GNAL: variants seen among roughly 807,000 people sequenced by gnomAD.
GNAL encodes guanine nucleotide-binding protein G(olf) subunit alpha.
Under a neutral mutation model 55.1 loss-of-function variants are expected in GNAL, and 18 were observed. The observed-to-expected ratio is 0.33, with a 90% CI of 0.23 to 0.48. The LOEUF (loss-of-function observed/expected upper bound fraction) is 0.48, where lower values mean the gene tolerates loss of function less well. Among genes scored for constraint, GNAL ranks in the 20% least tolerant of loss-of-function variants. The probability of loss-of-function intolerance (pLI) is 0.99; values close to 1 mark genes in which losing one functional copy is unlikely to be tolerated. For missense variants in GNAL, 412 were observed against 614.1 expected, an observed-to-expected ratio of 0.67 and a Z score of 3.48; for synonymous variants, 253 against 237.0, an observed-to-expected ratio of 1.07 and a Z score of -0.62.
intron 5 of GNAL, among the ~76,000 whole-genome samples, chr18:11,832,890 T>A (rs2035418267): frequency 1.3e-5 from 2 of 151,934 alleles, no homozygotes; most frequent in Admixed American, 1.3e-4. Flanking sequence ...ATAAAAATTT[T>A]AAAAAATGAG....
At position 11,746,286 on chromosome 18, in the gene GNAL, A is replaced by C. The variant is rs111698987; in HGVS notation, c.377-6567A>C. 1,011 of 362,710 alleles carry C rather than the reference A, an allele frequency of 2.8e-3. 7 individuals are homozygous for C. The highest frequency in any genetic ancestry group is 0.019 in the African/African-American group (893 of 47,198). 22.5% of individuals were successfully genotyped at this position (362,710 alleles called of 1,614,324 possible). ...TTAGAGACAGAAACTTTGAAGAGCA[A>C]GCTTTGGTTCCTTTTTAACAATGAT... On this transcript the variant is annotated intron_variant, in intron 1 of 11. Transcript: ENST00000334049.
chr18:11,788,897 G>GAAAAA (rs1162398867), intron 4 of GNAL, among the ~76,000 whole-genome samples: 41 of 82,510 alleles, frequency 5.0e-4, no homozygotes, highest in African/African-American at 2.4e-3. Context: ...ACTCCGTCTC[G>GAAAAA]AAAAAAAAAA....
chr18:11,845,268 C>T (rs1396459320), intron 5 of GNAL, among the ~76,000 whole-genome samples: 2 of 151,990 alleles, frequency 1.3e-5, no homozygotes, highest in Non-Finnish European at 2.9e-5. Context: ...GGATTTGTAC[C>T]GTATTACGCC....
At chr18:11,695,802 C>T (rs1440195784) in intron 1 of GNAL, among the ~76,000 whole-genome samples, 1 of 152,158 alleles carries the variant, frequency 6.6e-6, no homozygotes, top group African/African-American at 2.4e-5. Flanking sequence ...GAAGCAATCT[C>T]TTTGGGACAT....
In GNAL at chr18:11,884,666, G is replaced by A. The variant is rs1416592209; in HGVS notation, c.*3531G>A. 3.1e-6 allele frequency: 5 copies of A among 1,588,444 alleles called. No homozygotes were observed. Among genetic ancestry groups the A allele is most frequent in the East Asian group, 4.5e-5 (2 of 44,582 alleles). On this transcript the variant is annotated 3_prime_UTR_variant, in exon 12 of 12. Transcript: ENST00000334049. ...GGGAAAGTTATGCTGAGAGCACCAG[G>A]CACACGTTGAACACCGCAGTCTTAG...
chr18:11,841,519 G>GTGC (rs2035613304), intron 5 of GNAL, among the ~76,000 whole-genome samples: 1 of 151,770 alleles, frequency 6.6e-6, no homozygotes, highest in Non-Finnish European at 1.5e-5. Flanking sequence ...GGTGACGCAT[G>GTGC]CTGTAATCCC....
chr18:11,742,394 A>T (rs1257692947), intron 1 of GNAL, among the ~76,000 whole-genome samples: 1 of 152,228 alleles, frequency 6.6e-6, no homozygotes, highest in African/African-American at 2.4e-5. Flanking sequence ...GATGCAGTGA[A>T]TCAGTTCATC....
chr18:11,752,426 G>C lies in GNAL; in HGVS notation c.377-427G>C, dbSNP rs771936882. The C allele has an allele frequency of 3.7e-6, 6 of 1,602,114 alleles. No homozygotes were observed. In the South Asian group the frequency reaches 6.7e-5, roughly 18 times the overall value. On this transcript the variant is annotated intron_variant, in intron 1 of 11. Transcript: ENST00000334049. The surrounding 1 kb of genome is among the most constrained non-coding windows in gnomAD (Gnocchi z 4.5). ...CTAACTTCCTGACGTCCATCCCAGC[G>C]GGCAGGCATGGGGTGTTTGGGCGGC...
rs2036310647 is a variant in GNAL at position 11,868,261 on chromosome 18, T to C, written c.911-282T>C. 6.6e-6 allele frequency among the ~76,000 whole-genome samples: 1 copy of C among 152,008 alleles called. No individual in the cohort carries two copies. Among genetic ancestry groups the C allele is most frequent in the South Asian group, 2.1e-4 (1 of 4,822 alleles). ...GTTGCAGTGAGCCAAGATCATGCCA[T>C]TGCACTCCAGCCTGGGAGACAAGAG... On this transcript the variant is annotated intron_variant, in intron 8 of 11. Transcript: ENST00000334049. The surrounding 1 kb of genome is among the most constrained non-coding windows in gnomAD (Gnocchi z 4.0).
At position 11,851,934 on chromosome 18, in the gene GNAL, G is replaced by C. The variant is rs374247517; in HGVS notation, c.723-10461G>C. ...AAGACACGATGAGCAGCACGACGAC[G>C]CTCACCACTCCCCAGAACCAAGTGG... On this transcript the variant is annotated intron_variant, in intron 5 of 11. Coordinates refer to ENST00000334049, the MANE Select transcript of GNAL (RefSeq NM_182978.4). The C allele has an allele frequency of 5.6e-5, 91 of 1,613,930 alleles. No individual in the cohort carries two copies. The African/African-American group carries it at 1.0e-3, about 18-fold the overall frequency.
intron 4 of GNAL, among the ~76,000 whole-genome samples, chr18:11,768,986 T>C (rs1396918422): frequency 1.1e-5 from 1 of 93,910 alleles, no homozygotes; most frequent in East Asian, 2.1e-4. Context: ...TATTATATAT[T>C]CTATATTATA....
chr18:11,851,447 C>G, intron 5 of GNAL: 1 of 1,465,696 alleles, frequency 6.8e-7, no homozygotes, highest in Non-Finnish European at 9.0e-7. Flanking sequence ...AGCGGACTTA[C>G]CTTACCTTCT....
chr18:11,841,422 G>T (rs929533022), intron 5 of GNAL, among the ~76,000 whole-genome samples: 2 of 152,030 alleles, frequency 1.3e-5, no homozygotes, highest in East Asian at 1.9e-4. Flanking sequence ...AAGTTGGGCA[G>T]ATCACCTGGG....
rs1362588454 is a variant in GNAL at position 11,884,623 on chromosome 18, C to CTA, written c.*3489_*3490dup. 3 of 1,613,110 alleles carry CTA rather than the reference C, an allele frequency of 1.9e-6. No homozygotes were observed. In the Admixed American group the frequency reaches 5.0e-5, roughly 27 times the overall value. On this transcript the variant is annotated 3_prime_UTR_variant, in exon 12 of 12. Coordinates refer to ENST00000334049, the MANE Select transcript of GNAL (RefSeq NM_182978.4). ...GAGGGTGTAGTCTGTGGGCGTGATG[C>CTA]TACCCTGGAAAGGAGAAGGGAAAGT...
intron 1 of GNAL, among the ~76,000 whole-genome samples, chr18:11,728,097 T>A (rs2032252877): frequency 6.6e-6 from 1 of 152,082 alleles, no homozygotes. Flanking sequence ...TGTGGTGATC[T>A]GTGCCTGTGG....
chr18:11,744,361 G>T (rs377305604), intron 1 of GNAL, among the ~76,000 whole-genome samples: 2 of 152,082 alleles, frequency 1.3e-5, no homozygotes, highest in Admixed American at 6.5e-5. Flanking sequence ...GTACAGAAAA[G>T]GAAAATGGAA....
At chr18:11,737,510 G>C (rs2032485521) in intron 1 of GNAL, among the ~76,000 whole-genome samples, 1 of 152,090 alleles carries the variant, frequency 6.6e-6, no homozygotes, top group South Asian at 2.1e-4. Context: ...CTGCACCTCG[G>C]GGTCTCTGCA....
intron 4 of GNAL, among the ~76,000 whole-genome samples, chr18:11,764,556 C>T (rs1307417220): frequency 6.6e-6 from 1 of 152,234 alleles, no homozygotes; most frequent in East Asian, 1.9e-4. Flanking sequence ...CCTGTAATCC[C>T]AGCACTTTGG....
At chr18:11,786,799 T>C (rs2034075951) in intron 4 of GNAL, among the ~76,000 whole-genome samples, 1 of 151,958 alleles carries the variant, frequency 6.6e-6, no homozygotes, top group Non-Finnish European at 1.5e-5. Flanking sequence ...TAAACATCAC[T>C]TCATAATTTC....
Sources: gnomAD v4.1 joint callset for allele counts (sites outside exome capture counted in the v4.1 genomes callset) on GRCh38, gnomAD v4.1.1 for gene constraint, Gnocchi (gnomAD v3.1) non-coding constraint, MANE v1.5 for transcripts, NCBI Gene and HGNC (gene_info 2026-07-23, HGNC 2026-07-21) for gene names.